Variants in PRKN observed in about 807,000 individuals in gnomAD.
The protein encoded by PRKN is parkin RBR E3 ubiquitin protein ligase, also known as E3 ubiquitin-protein ligase parkin.
A neutral mutation model predicts 59.5 loss-of-function variants in PRKN; 56 were observed. That is an observed-to-expected ratio of 0.94 (90% CI 0.76 to 1.18). The LOEUF (loss-of-function observed/expected upper bound fraction) is 1.18, where lower values mean the gene tolerates loss of function less well. Ranked by LOEUF, PRKN falls within the 50% of genes most tolerant of loss-of-function variation. PRKN has a pLI of 0.00. For missense variants in PRKN, 657 were observed against 596.4 expected (o/e 1.10, Z -1.06); for synonymous variants, 250 against 222.1 (o/e 1.13, Z -1.12).
chr6:161,884,164 A>G (rs1795046953), intron 6 of PRKN, among the ~76,000 whole-genome samples: 1 of 152,202 alleles, frequency 6.6e-6, no homozygotes, highest in South Asian at 2.1e-4. Context: ...CAGTGCCCCT[A>G]TATATCACTA....
At chr6:161,996,035 C>T (rs1418550337) in intron 5 of PRKN, among the ~76,000 whole-genome samples, 2 of 152,092 alleles carry the variant, frequency 1.3e-5, no homozygotes, top group Non-Finnish European at 2.9e-5. Flanking sequence ...AATCCCATGA[C>T]TAGGTATTTA....
At chr6:161,591,149 A>G (rs1431225341) in intron 7 of PRKN, among the ~76,000 whole-genome samples, 1 of 152,218 alleles carries the variant, frequency 6.6e-6, no homozygotes, top group Non-Finnish European at 1.5e-5. Flanking sequence ...AAAAAAATAT[A>G]TGCACATATG....
At chr6:161,806,640 G>C (rs906314583) in intron 6 of PRKN, among the ~76,000 whole-genome samples, 2 of 152,122 alleles carry the variant, frequency 1.3e-5, no homozygotes, top group Non-Finnish European at 2.9e-5. Flanking sequence ...CCTCCACCCA[G>C]CTCTTATTCT....
At chr6:162,189,298 T>G (rs11961127) in intron 4 of PRKN, among the ~76,000 whole-genome samples, 10,753 of 150,532 alleles carry the variant, frequency 0.071, 864 homozygotes, top group East Asian at 0.41. Context: ...TTGATTCCTA[T>G]TCTAAGTATC....
intron 1 of PRKN, among the ~76,000 whole-genome samples, chr6:162,521,759 T>C (rs1778086820): frequency 6.6e-6 from 1 of 152,104 alleles, no homozygotes; most frequent in Non-Finnish European, 1.5e-5. Flanking sequence ...ACTTACTGTT[T>C]AAGGAATATG....
intron 3 of PRKN, among the ~76,000 whole-genome samples, chr6:162,237,252 CA>C (rs1344169090): frequency 1.3e-5 from 2 of 151,842 alleles, no homozygotes; most frequent in Non-Finnish European, 2.9e-5. Flanking sequence ...TATTAGAAAA[CA>C]AAAAGAATTT....
chr6:162,053,399 C>T (rs949500155), intron 5 of PRKN, among the ~76,000 whole-genome samples: 37 of 152,062 alleles, frequency 2.4e-4, no homozygotes, highest in African/African-American at 5.8e-4. Context: ...TAGATTACGA[C>T]GGAGCCAGCG....
intron 2 of PRKN, among the ~76,000 whole-genome samples, chr6:162,324,078 C>T (rs1352723995): frequency 6.6e-6 from 1 of 151,566 alleles, no homozygotes; most frequent in Non-Finnish European, 1.5e-5. Context: ...GTAGATTTAC[C>T]ACAGTGTTTA....
At chr6:162,253,282 T>TCTAAG (rs1381649212) in intron 3 of PRKN, among the ~76,000 whole-genome samples, 4 of 148,632 alleles carry the variant, frequency 2.7e-5, no homozygotes, top group Admixed American at 2.6e-4. Flanking sequence ...AGGCAACAAA[T>TCTAAG]CTAATCTAAT....
chr6:162,063,285 C>T (rs751693481), intron 4 of PRKN, among the ~76,000 whole-genome samples: 6 of 152,094 alleles, frequency 3.9e-5, no homozygotes, highest in Non-Finnish European at 5.9e-5. Flanking sequence ...CATAAACACA[C>T]CAGTTAAATA....
In PRKN at chr6:161,674,946, C is replaced by T. The variant is rs116939848; in HGVS notation, c.872-105530G>A. On this transcript the variant is annotated intron_variant, in intron 7 of 11. Coordinates refer to ENST00000366898, the MANE Select transcript of PRKN (RefSeq NM_004562.3). The stretch of plus-strand genomic sequence containing the variant: ...TGTGGGCAAGCCTCTTGACAGTCAC[C>T]GTATTTTGCCCAGGGCTTGCTATTG... Among the ~76,000 whole-genome samples, 250 of 152,284 alleles carry T rather than the reference C, an allele frequency of 1.6e-3. 7 individuals carry two copies. In the East Asian group the frequency reaches 0.03, roughly 18 times the overall value.
intron 1 of PRKN, among the ~76,000 whole-genome samples, chr6:162,571,994 C>A (rs962087818): frequency 2.0e-5 from 3 of 151,884 alleles, no homozygotes; most frequent in Non-Finnish European, 4.4e-5. Flanking sequence ...GAAAAAAAAA[C>A]AAACAGACAT....
intron 1 of PRKN, among the ~76,000 whole-genome samples, chr6:162,599,057 TAC>T (rs571414685): frequency 5.5e-4 from 83 of 152,258 alleles, no homozygotes; most frequent in African/African-American, 1.9e-3. Flanking sequence ...GGTCCCAGTA[TAC>T]ATCCTAAAAA....
At chr6:161,969,481 T>C (rs1328621450) in intron 6 of PRKN, among the ~76,000 whole-genome samples, 7 of 151,904 alleles carry the variant, frequency 4.6e-5, no homozygotes, top group Non-Finnish European at 8.8e-5. Context: ...GGATTTCAGC[T>C]GGTGAGGTGG....
chr6:162,358,265 A>G lies in PRKN; in HGVS notation c.171+85045T>C, dbSNP rs543368916. 8.6e-5 allele frequency among the ~76,000 whole-genome samples: 13 copies of G among 151,804 alleles called. No homozygotes were observed. The South Asian group carries it at 1.9e-3, about 22-fold the overall frequency. On this transcript the variant is annotated intron_variant, in intron 2 of 11. Coordinates refer to ENST00000366898, the MANE Select transcript of PRKN (RefSeq NM_004562.3). ...AAAGTTAGTTTATGAATTTTAATAA[A>G]CAGTTTGGAATATTTTTCGAAATCT...
intron 4 of PRKN, among the ~76,000 whole-genome samples, chr6:162,114,590 A>G (rs1780585361): frequency 6.6e-6 from 1 of 152,054 alleles, no homozygotes; most frequent in South Asian, 2.1e-4. Flanking sequence ...TTCACAACCT[A>G]CTCGTCTGAA....
intron 5 of PRKN, among the ~76,000 whole-genome samples, chr6:161,974,248 C>T (rs1780940015): frequency 6.6e-6 from 1 of 152,168 alleles, no homozygotes; most frequent in Non-Finnish European, 1.5e-5. Context: ...CCACTAAATT[C>T]CAGCCGAGAG....
At chr6:162,532,053 C>T (rs1490402647) in intron 1 of PRKN, among the ~76,000 whole-genome samples, 4 of 150,160 alleles carry the variant, frequency 2.7e-5, no homozygotes, top group African/African-American at 9.7e-5. Context: ...AGGTTCTTAG[C>T]GTCAACCACA....
chr6:162,691,318 A>G (rs1562500295), intron 1 of PRKN, among the ~76,000 whole-genome samples: 2 of 152,318 alleles, frequency 1.3e-5, no homozygotes, highest in South Asian at 2.1e-4. Context: ...ATTTCAACTA[A>G]TTTGTTTTAA....
Sources: allele counts gnomAD v4.1 joint callset (sites outside exome capture counted in the v4.1 genomes callset), GRCh38; gene constraint gnomAD v4.1.1; transcripts MANE v1.5; gene names NCBI Gene and HGNC (gene_info 2026-07-23, HGNC 2026-07-21).